The following HMCN1 variants were observed in gnomAD, a reference collection of about 807,000 sequenced individuals.
HMCN1 encodes hemicentin 1.
In HMCN1, 321 loss-of-function variants were observed where a neutral mutation model predicts 625.9. The ratio of observed to expected loss-of-function variants is 0.51; its 90% CI spans 0.47 to 0.56. The LOEUF (loss-of-function observed/expected upper bound fraction) is 0.56, where lower values mean the gene tolerates loss of function less well. HMCN1 is among the 20% of genes least tolerant of loss of function. The pLI, the probability that HMCN1 is intolerant of heterozygous loss-of-function variation, is 0.00. For synonymous variants in HMCN1, 2,425 were observed against 2,417.6 expected (o/e 1.00, Z -0.09); for missense variants, 6,588 against 6,887.3 (o/e 0.96, Z 1.54).
In HMCN1 at chr1:185,734,998, A is replaced by T. The variant is rs1380670846; in HGVS notation, c.219A>T (p.Arg73Ser). ...ASKILETSLK[R>S]PKRPLFNFAL... is the part of the protein sequence containing the mutation. ...AAATTTTGGAGACGTCTTTGAAAAGACCTAAAAGACCTCTTTTCAACTTTG... is the reference window on the plus strand; with the variant it reads ...AAATTTTGGAGACGTCTTTGAAAAGTCCTAAAAGACCTCTTTTCAACTTTG... The change falls in exon 1 of 107, where the codon AGA (arginine) becomes AGT (serine). Residue 73 changes from arginine (R) to serine (S), a missense_variant. Transcript: ENST00000271588. The T allele has an allele frequency of 1.2e-6, 2 of 1,613,976 alleles. No homozygotes were observed. The highest frequency in any genetic ancestry group is 1.3e-5 in the African/African-American group (1 of 74,902).
At chr1:186,052,924 G>GA (rs1199764781) in intron 42 of HMCN1, 28 bp from the exon 43 acceptor site, 13 of 1,567,136 alleles carry the variant, frequency 8.3e-6, no homozygotes, top group Non-Finnish European at 1.1e-5. Flanking sequence ...GAAATGAGTG[G>GA]AAAAATCATA....
chr1:186,127,370 A>G (rs919009835), intron 82 of HMCN1, among the ~76,000 whole-genome samples: 16 of 152,130 alleles, frequency 1.1e-4, no homozygotes, highest in African/African-American at 3.9e-4. Flanking sequence ...GTATGAGATC[A>G]CCAAAAAAAT....
intron 13 of HMCN1, among the ~76,000 whole-genome samples, chr1:185,964,661 A>G (rs950944887): frequency 1.3e-5 from 2 of 152,158 alleles, no homozygotes; most frequent in African/African-American, 4.8e-5. Context: ...GTGGATATAT[A>G]CGGAAATATA....
chr1:185,815,178 ATT>A (rs1659766850), intron 1 of HMCN1, among the ~76,000 whole-genome samples: 1 of 150,262 alleles, frequency 6.7e-6, no homozygotes, highest in South Asian at 2.1e-4. Flanking sequence ...TAATTACATA[ATT>A]TTGAAGAACC....
intron 46 of HMCN1, among the ~76,000 whole-genome samples, chr1:186,058,529 C>T (rs989541943): frequency 9.9e-5 from 15 of 151,722 alleles, no homozygotes; most frequent in African/African-American, 3.4e-4. Flanking sequence ...AAAAATAAAT[C>T]TTGTGGTGTA....
intron 68 of HMCN1, among the ~76,000 whole-genome samples, chr1:186,099,926 A>T (rs1298292730): frequency 6.6e-6 from 1 of 152,160 alleles, no homozygotes; most frequent in East Asian, 1.9e-4. Flanking sequence ...GAAGAATCTT[A>T]AGGAGAAATA....
In HMCN1 at chr1:186,114,046, A is replaced by T. The variant is rs753727527; in HGVS notation, c.11199A>T (p.Glu3733Asp). The change falls in exon 73 of 107, where the codon GAA becomes GAT. Residue 3733 changes from glutamate (E) to aspartate (D), a missense_variant. By Grantham distance (45) the Glu-to-Asp change is conservative. Around this residue, in one of 3 missense-constraint regions of HMCN1, gnomAD observed 4,628 missense variants for 4,853.1 expected, o/e 0.95. Transcript: ENST00000271588. ...VILLNKSTVL[E>D]CIAEGVPTPR... Reference sequence around the variant, plus strand: ...TTTTAAATAAGTCAACTGTATTGGAATGCATCGCTGAAGGTGTGCCAACTC... The same window carrying T: ...TTTTAAATAAGTCAACTGTATTGGATTGCATCGCTGAAGGTGTGCCAACTC... 6.2e-7 allele frequency: 1 copy of T among 1,614,182 alleles called. No homozygotes were observed. The highest frequency in any genetic ancestry group is 8.5e-7 in the Non-Finnish European group (1 of 1,179,996).
intron 1 of HMCN1, among the ~76,000 whole-genome samples, chr1:185,790,029 C>A (rs1657885374): frequency 6.6e-6 from 1 of 152,190 alleles, no homozygotes; most frequent in Non-Finnish European, 1.5e-5. Context: ...TTCAATCAGT[C>A]TTGGCTGTCA....
chr1:185,978,961 G>A (rs939082756), intron 16 of HMCN1, among the ~76,000 whole-genome samples: 2 of 152,130 alleles, frequency 1.3e-5, no homozygotes, highest in African/African-American at 2.4e-5. Flanking sequence ...GATTGCTGTC[G>A]TGAACCACCA....
chr1:186,045,855 G>A lies in HMCN1; in HGVS notation c.6472G>A (p.Val2158Met), dbSNP rs1235168379. ...CCTCAGTATATCTGAAAATAGAAGT[G>A]TGTTAAAGGTAAGGATATGGATTCA... ...PGLSISENRSVLKIEDAQVQD... is the reference protein window; with the variant it reads ...PGLSISENRSMLKIEDAQVQD... Residue 2158 changes from valine to methionine, a missense_variant, in exon 41 of 107, where the codon GTG becomes ATG. Physicochemically the swap from Val to Met is conservative, Grantham distance 21. This residue lies in a region of HMCN1 where 4,628 missense variants were observed against 4,853.1 expected (regional missense o/e 0.95). Transcript: ENST00000271588. 6.2e-7 allele frequency: 1 copy of A among 1,609,318 alleles called. No individual in the cohort carries two copies. Among genetic ancestry groups the A allele is most frequent in the Non-Finnish European group, 8.5e-7 (1 of 1,176,098 alleles).
chr1:185,979,373 GTGA>G (rs1376303164), intron 16 of HMCN1, among the ~76,000 whole-genome samples: 1 of 152,158 alleles, frequency 6.6e-6, no homozygotes, highest in Admixed American at 6.6e-5. Flanking sequence ...AGCTCAAAGA[GTGA>G]TGATGAGAAA....
chr1:186,113,886 C>T, intron 72 of HMCN1, 93 bp from the exon 73 acceptor site: 3 of 1,368,904 alleles, frequency 2.2e-6, no homozygotes, highest in Non-Finnish European at 3.1e-6. Flanking sequence ...ATACATTTGA[C>T]TCGAAGCTCA....
chr1:186,094,192 T>C lies in HMCN1; in HGVS notation c.10197-84T>C, dbSNP rs1056199623. On this transcript the variant is annotated intron_variant, in intron 66 of 106. Transcript: ENST00000271588. ...ATTTCCCAACATAAATCACCACCTATAGCCTATTTATAAATCATAATTATT... is the reference window on the plus strand; with the variant it reads ...ATTTCCCAACATAAATCACCACCTACAGCCTATTTATAAATCATAATTATT... The C allele has an allele frequency of 2.2e-5, 23 of 1,063,016 alleles. 1 individual carries two copies. In the Admixed American group the frequency reaches 4.2e-4, roughly 19 times the overall value. The allele number at this position is 1,063,016 out of a possible 1,614,324, so 65.8% of individuals were successfully genotyped here.
rs182395800 is a variant in HMCN1 at position 185,827,923 on chromosome 1, G to C, written c.269-18103G>C. Among the ~76,000 whole-genome samples, 239 of 152,274 alleles carry C rather than the reference G, an allele frequency of 1.6e-3. 4 individuals carry two copies. Among genetic ancestry groups the C allele is most frequent in the Non-Finnish European group, 1.0e-4 (7 of 67,996 alleles). On this transcript the variant is annotated intron_variant, in intron 1 of 106. Coordinates refer to ENST00000271588, the MANE Select transcript of HMCN1 (RefSeq NM_031935.3). Reference sequence around the variant, plus strand: ...ATCTTGAACTACTTTAGAACACACTGAATGCTAGAAAATAATGGAGCAAAA... The same window carrying C: ...ATCTTGAACTACTTTAGAACACACTCAATGCTAGAAAATAATGGAGCAAAA...
At chr1:185,825,172 G>A (rs750478474) in intron 1 of HMCN1, among the ~76,000 whole-genome samples, 9 of 152,062 alleles carry the variant, frequency 5.9e-5, no homozygotes, top group Non-Finnish European at 1.0e-4. Context: ...AAACAGAAAC[G>A]CTGAGGAGGG....
chr1:185,808,413 A>G (rs2102240029), intron 1 of HMCN1, among the ~76,000 whole-genome samples: 1 of 152,164 alleles, frequency 6.6e-6, no homozygotes, highest in Admixed American at 6.5e-5. Context: ...TAACTATTCC[A>G]GAGGCTGAGG....
intron 56 of HMCN1, among the ~76,000 whole-genome samples, chr1:186,081,812 A>G (rs936368993): frequency 7.2e-5 from 11 of 152,216 alleles, no homozygotes; most frequent in African/African-American, 1.2e-4. Context: ...TCACATACAT[A>G]TCCTGGATTG....
chr1:185,965,063 T>TA (rs143365665), intron 13 of HMCN1, among the ~76,000 whole-genome samples: 2,356 of 152,252 alleles, frequency 0.015, 64 homozygotes, highest in African/African-American at 0.055. Flanking sequence ...TGTGAGAAGT[T>TA]AACTTAGCTT....
At chr1:185,760,343 G>C (rs1405336939) in intron 1 of HMCN1, among the ~76,000 whole-genome samples, 1 of 152,168 alleles carries the variant, frequency 6.6e-6, no homozygotes, top group African/African-American at 2.4e-5. Context: ...GTGGAACTCA[G>C]TGAGAGAGAA....
Sources: gnomAD v4.1 joint callset for allele counts (sites outside exome capture counted in the v4.1 genomes callset) on GRCh38, gnomAD v4.1.1 for gene constraint, gnomAD v4.1.1 regional missense constraint, MANE v1.5 for transcripts, NCBI Gene and HGNC (gene_info 2026-07-23, HGNC 2026-07-21) for gene names.